The following LRRC4C variants were observed in gnomAD, a reference collection of about 807,000 sequenced individuals.
LRRC4C encodes the protein leucine-rich repeat-containing protein 4C.
LRRC4C carries 5 observed loss-of-function variants against 33.6 expected under a neutral mutation model. The observed-to-expected ratio is 0.15, with a 90% CI of 0.08 to 0.31. The LOEUF (loss-of-function observed/expected upper bound fraction) is 0.31, where lower values mean the gene tolerates loss of function less well. LRRC4C is among the 10% of genes least tolerant of loss of function. The pLI, the probability that LRRC4C is intolerant of heterozygous loss-of-function variation, is 1.00. For missense variants in LRRC4C, 560 were observed against 796.7 expected (o/e 0.70, Z 3.58); for synonymous variants, 329 against 302.0 (o/e 1.09, Z -0.93).
intron 3 of LRRC4C, among the ~76,000 whole-genome samples, chr11:40,560,537 G>A (rs1324373624): frequency 1.3e-5 from 2 of 151,652 alleles, no homozygotes; most frequent in African/African-American, 2.4e-5. Context: ...CTTTATTTGC[G>A]TGATTATATT....
intron 1 of LRRC4C, among the ~76,000 whole-genome samples, chr11:41,296,812 A>T (rs1403755943): frequency 6.6e-6 from 1 of 152,146 alleles, no homozygotes; most frequent in Non-Finnish European, 1.5e-5. Context: ...TAAAACATTG[A>T]TATAAAAAGG....
rs200912904 is a variant in LRRC4C, at chr11:40,370,999, A to AT, written c.-269-51279dup. Reference sequence around the variant, plus strand: ...CATATTTAATTGCCACTGTACATTGATTTTTTTAAAAAAAATCTTGTCTAA... The same window carrying AT: ...CATATTTAATTGCCACTGTACATTGATTTTTTTTAAAAAAAATCTTGTCTAA... On this transcript the variant is annotated intron_variant, in intron 3 of 6. Coordinates refer to ENST00000528697, the MANE Select transcript of LRRC4C (RefSeq NM_001258419.2). Among the ~76,000 whole-genome samples the AT allele has an allele frequency of 1.2e-3, 182 of 152,170 alleles. 1 individual carries two copies. The highest frequency in any genetic ancestry group is 3.4e-3 in the African/African-American group (143 of 41,498).
intron 3 of LRRC4C, among the ~76,000 whole-genome samples, chr11:40,334,145 G>T (rs1373946121): frequency 6.6e-6 from 1 of 152,100 alleles, no homozygotes; most frequent in Non-Finnish European, 1.5e-5. Context: ...TGTATACAGA[G>T]GATGCCACTG....
At chr11:40,421,261 C>T (rs1382702273) in intron 3 of LRRC4C, among the ~76,000 whole-genome samples, 1 of 152,174 alleles carries the variant, frequency 6.6e-6, no homozygotes, top group African/African-American at 2.4e-5. Flanking sequence ...CTAGAAATAG[C>T]TTTCTCTCCA....
chr11:40,480,290 C>CTT (rs145727031), intron 3 of LRRC4C, among the ~76,000 whole-genome samples: 1 of 149,842 alleles, frequency 6.7e-6, no homozygotes, highest in Non-Finnish European at 1.5e-5. Context: ...CTTGCTTCTG[C>CTT]TTTTTTTTTA....
chr11:40,228,115 A>G (rs1292900028), intron 5 of LRRC4C, among the ~76,000 whole-genome samples: 2 of 152,188 alleles, frequency 1.3e-5, no homozygotes, highest in East Asian at 1.9e-4. Flanking sequence ...GTTACCTCCT[A>G]TCTATCTCAT....
intron 1 of LRRC4C, among the ~76,000 whole-genome samples, chr11:41,382,963 A>T (rs1953212752): frequency 6.6e-6 from 1 of 152,152 alleles, no homozygotes; most frequent in South Asian, 2.1e-4. Context: ...AGGAAAGCAG[A>T]GTGCACATGC....
At chr11:41,289,977 T>C (rs1447041357) in intron 1 of LRRC4C, among the ~76,000 whole-genome samples, 1 of 152,206 alleles carries the variant, frequency 6.6e-6, no homozygotes, top group Non-Finnish European at 1.5e-5. Flanking sequence ...CATTTCATCA[T>C]GTTTCATGAC....
At chr11:41,043,144 C>A (rs1022616287) in intron 1 of LRRC4C, among the ~76,000 whole-genome samples, 2 of 107,318 alleles carry the variant, frequency 1.9e-5, no homozygotes, top group Admixed American at 1.3e-4. Flanking sequence ...TGAGCTTGAT[C>A]TATTTCTTCT....
intron 4 of LRRC4C, among the ~76,000 whole-genome samples, chr11:40,263,397 ACTT>A (rs1258678086): frequency 5.3e-5 from 8 of 152,076 alleles, no homozygotes; most frequent in African/African-American, 1.9e-4. Flanking sequence ...TCCATTCTCT[ACTT>A]CACCCTTTCA....
rs371317508 is a variant in LRRC4C at position 40,784,106 on chromosome 11, G to A, written c.-406-135828C>T. The stretch of plus-strand genomic sequence containing the variant: ...TATATATATATATACATTCATTAAA[G>A]AATAATCCTATGTATTATGTTCATT... On this transcript the variant is annotated intron_variant, in intron 2 of 6. Coordinates refer to ENST00000528697, the MANE Select transcript of LRRC4C (RefSeq NM_001258419.2). 3.3e-5 allele frequency among the ~76,000 whole-genome samples: 5 copies of A among 151,874 alleles called. No homozygotes were observed. In the South Asian group the frequency reaches 6.2e-4, roughly 19 times the overall value.
intron 1 of LRRC4C, among the ~76,000 whole-genome samples, chr11:41,337,225 A>G (rs1951485220): frequency 6.6e-6 from 1 of 152,126 alleles, no homozygotes; most frequent in East Asian, 1.9e-4. Context: ...AAAACAAAAA[A>G]TTAAGAGATA....
At chr11:40,744,188 T>G (rs1476949652) in intron 2 of LRRC4C, among the ~76,000 whole-genome samples, 1 of 152,120 alleles carries the variant, frequency 6.6e-6, no homozygotes, top group Non-Finnish European at 1.5e-5. Flanking sequence ...GGGAGATAGA[T>G]GACACATAAT....
chr11:40,351,270 G>A (rs1321674927), intron 3 of LRRC4C, among the ~76,000 whole-genome samples: 2 of 151,322 alleles, frequency 1.3e-5, no homozygotes, highest in Non-Finnish European at 2.9e-5. Flanking sequence ...TAAGATACTT[G>A]ATATGATTTT....
Position 40,554,103 on chromosome 11 carries a change from A to C in LRRC4C, c.-270+94039T>G, listed in dbSNP as rs908388292. On this transcript the variant is annotated intron_variant, in intron 3 of 6. Transcript: ENST00000528697. ...ACATTTAAGCCTTTAATCCATCCTG[A>C]GTTAATTTTTTTATATGGTAAGAAG... 2.0e-5 allele frequency among the ~76,000 whole-genome samples: 3 copies of C among 152,152 alleles called. No homozygotes were observed. In the South Asian group the frequency reaches 6.2e-4, roughly 32 times the overall value.
intron 3 of LRRC4C, among the ~76,000 whole-genome samples, chr11:40,637,784 C>A (rs1591340975): frequency 6.6e-6 from 1 of 152,208 alleles, no homozygotes; most frequent in Non-Finnish European, 1.5e-5. Context: ...CAATAGTCTG[C>A]TAATTGTTCT....
chr11:41,039,623 T>C (rs1857304933), intron 1 of LRRC4C, among the ~76,000 whole-genome samples: 1 of 152,134 alleles, frequency 6.6e-6, no homozygotes, highest in Admixed American at 6.5e-5. Context: ...GTTTAAGAAA[T>C]TTTGCATTTA....
intron 1 of LRRC4C, among the ~76,000 whole-genome samples, chr11:41,352,400 A>T (rs982499673): frequency 2.0e-5 from 3 of 152,196 alleles, no homozygotes; most frequent in African/African-American, 7.2e-5. Context: ...GGAGACACAG[A>T]TAACCACAGA....
Position 40,605,040 on chromosome 11 carries a change from A to G in LRRC4C, c.-270+43102T>C, listed in dbSNP as rs572627276. 3.3e-5 allele frequency among the ~76,000 whole-genome samples: 5 copies of G among 152,266 alleles called. No individual in the cohort carries two copies. The South Asian group carries it at 1.0e-3, about 32-fold the overall frequency. On this transcript the variant is annotated intron_variant, in intron 3 of 6. Coordinates refer to ENST00000528697, the MANE Select transcript of LRRC4C (RefSeq NM_001258419.2). Reference sequence around the variant, plus strand: ...CCCCTCAATAATCAATGTGTAGGAAAACTAAAAGCAGCTGAAGTAAAAAAT... The same window carrying G: ...CCCCTCAATAATCAATGTGTAGGAAGACTAAAAGCAGCTGAAGTAAAAAAT...
Sources: gnomAD v4.1 joint callset for allele counts (sites outside exome capture counted in the v4.1 genomes callset) on GRCh38, gnomAD v4.1.1 for gene constraint, MANE v1.5 for transcripts, NCBI Gene and HGNC (gene_info 2026-07-23, HGNC 2026-07-21) for gene names.